Variants in KDM2B observed in about 807,000 individuals in gnomAD.
The protein encoded by KDM2B is lysine demethylase 2B.
Under a neutral mutation model 150.0 loss-of-function variants are expected in KDM2B, and 26 were observed. That is an observed-to-expected ratio of 0.17 (90% CI 0.13 to 0.24). The LOEUF is 0.24. Ranked by LOEUF, KDM2B falls within the 10% of genes least tolerant of loss-of-function variation. The pLI is 1.00. For synonymous variants in KDM2B, 734 were observed against 729.5 expected, an observed-to-expected ratio of 1.01 and a Z score of -0.10; for missense variants, 1,265 against 1,816.9, an observed-to-expected ratio of 0.70 and a Z score of 5.52.
chr12:121,516,592 ACCAACGTCAGTC>A, intron 9 of KDM2B: 1 of 1,288,728 alleles, frequency 7.8e-7, no homozygotes, highest in East Asian at 2.6e-5. Context: ...AATTGAGTTA[ACCAACGTCAGTC>A]CAAAACAAAA....
In KDM2B at chr12:121,442,632, G is replaced by A. The variant is rs1555288775; in HGVS notation, c.2809C>T (p.Arg937Trp). 1 of 1,603,724 alleles carries A rather than the reference G, an allele frequency of 6.2e-7. No individual in the cohort carries two copies. The highest frequency in any genetic ancestry group is 8.5e-7 in the Non-Finnish European group (1 of 1,178,860). ...PEEKKKVKMRRKRRLPNKELS... is the reference protein window; with the variant it reads ...PEEKKKVKMRWKRRLPNKELS... ...TCCTTGTTGGGAAGCCGCCGCTTCC[G>A]GCGCATCTTCACCTTCTTCTTCTCC... Residue 937 changes from arginine to tryptophan, a missense_variant, in exon 19 of 23, where the codon CGG (arginine) becomes TGG (tryptophan). Physicochemically the swap from Arg to Trp is moderately radical, Grantham distance 101. Coordinates refer to ENST00000377071, the MANE Select transcript of KDM2B (RefSeq NM_032590.5). This position sits in a 1 kb window ranked among gnomAD's most constrained non-coding sequence, Gnocchi z 7.7.
intron 4 of KDM2B, among the ~76,000 whole-genome samples, chr12:121,561,948 G>A (rs992321077): frequency 2.0e-5 from 3 of 152,180 alleles, no homozygotes; most frequent in Non-Finnish European, 4.4e-5. Context: ...GAGGTAGGCG[G>A]ATCACCTGAG....
At position 121,527,004 on chromosome 12, in the gene KDM2B, C is replaced by T. The variant is rs961124113; in HGVS notation, c.931+5802G>A. Among the ~76,000 whole-genome samples the T allele has an allele frequency of 4.6e-5, 7 of 152,196 alleles. No individual in the cohort carries two copies. The South Asian group carries it at 1.5e-3, about 32-fold the overall frequency. On this transcript the variant is annotated intron_variant, in intron 8 of 22. Coordinates refer to ENST00000377071, the MANE Select transcript of KDM2B (RefSeq NM_032590.5). ...CCGAGATCATGCCATTGCACTCCAGCCTTGGCAACAAGAGCAACGCTCTGT... is the reference window on the plus strand; with the variant it reads ...CCGAGATCATGCCATTGCACTCCAGTCTTGGCAACAAGAGCAACGCTCTGT...
intron 4 of KDM2B, among the ~76,000 whole-genome samples, chr12:121,557,429 G>A (rs1022165921): frequency 6.6e-6 from 1 of 151,722 alleles, no homozygotes; most frequent in Non-Finnish European, 1.5e-5. Context: ...TAGTAGAGAC[G>A]GGGTTTCACC....
chr12:121,500,663 C>A (rs1884453027), intron 11 of KDM2B, among the ~76,000 whole-genome samples: 1 of 152,226 alleles, frequency 6.6e-6, no homozygotes, highest in Non-Finnish European at 1.5e-5. Flanking sequence ...TCTGGGGAAC[C>A]AGCACCCTCC....
chr12:121,443,477 C>A, intron 17 of KDM2B: 1 of 600,866 alleles, frequency 1.7e-6, no homozygotes, highest in Non-Finnish European at 3.0e-6. Flanking sequence ...GGACTCACAG[C>A]TTCCATCCCA....
chr12:121,561,238 T>C (rs1555313790), intron 4 of KDM2B, among the ~76,000 whole-genome samples: 1 of 152,064 alleles, frequency 6.6e-6, no homozygotes, highest in Non-Finnish European at 1.5e-5. Flanking sequence ...ATGTGAAACA[T>C]ACACGGGCGC....
rs977495166 is a variant in KDM2B at position 121,475,182 on chromosome 12, C to G, written c.1734+19397G>C. Among the ~76,000 whole-genome samples, 7 of 139,766 alleles carry G rather than the reference C, an allele frequency of 5.0e-5. No individual in the cohort carries two copies. The South Asian group carries it at 1.7e-3, about 34-fold the overall frequency. The allele number at this position is 139,766 out of a possible 152,430, so 91.7% of individuals were successfully genotyped here. On this transcript the variant is annotated intron_variant, in intron 12 of 22. Coordinates refer to ENST00000377071, the MANE Select transcript of KDM2B (RefSeq NM_032590.5). ...CCCTGTCATTAAACTACACATGACT[C>G]TGTGTGTGTGTGTGTGTGTGTGTGT... is the stretch of plus-strand genomic sequence containing the variant.
At chr12:121,458,041 G>A (rs1292833666) in intron 12 of KDM2B, among the ~76,000 whole-genome samples, 2 of 152,078 alleles carry the variant, frequency 1.3e-5, no homozygotes, top group Admixed American at 6.6e-5. Flanking sequence ...TGTTAAGATC[G>A]GTTATACTCC....
intron 6 of KDM2B, among the ~76,000 whole-genome samples, chr12:121,547,273 C>T (rs945368620): frequency 9.2e-5 from 14 of 152,204 alleles, no homozygotes; most frequent in Admixed American, 1.3e-4. Flanking sequence ...CTCCCCACCT[C>T]GAGCCCAGTC....
Position 121,509,849 on chromosome 12 carries a change from C to T in KDM2B, c.1365G>A (p.Glu455=). Residue 455 remains glutamate, a synonymous_variant, in exon 11 of 23, where the codon GAG becomes GAA. Coordinates refer to ENST00000377071, the MANE Select transcript of KDM2B (RefSeq NM_032590.5). ...GTGCTTTGGGCTTCTTCCCGAGGGCCTCCTGGTCCTCAGAGGGCGTGCTGG... is the reference window on the plus strand; with the variant it reads ...GTGCTTTGGGCTTCTTCCCGAGGGCTTCCTGGTCCTCAGAGGGCGTGCTGG... ...SPTSTPSEDQ[E]ALGKKPKAPA... is the part of the protein sequence containing the mutation. 1 of 1,614,010 alleles carries T rather than the reference C, an allele frequency of 6.2e-7. No individual in the cohort carries two copies. Among genetic ancestry groups the T allele is most frequent in the Non-Finnish European group, 8.5e-7 (1 of 1,180,018 alleles).
At chr12:121,475,025 C>T (rs950161230) in intron 12 of KDM2B, among the ~76,000 whole-genome samples, 11 of 152,166 alleles carry the variant, frequency 7.2e-5, no homozygotes, top group African/African-American at 2.4e-4. Context: ...CAGTAGCATG[C>T]TGTACAAGTT....
chr12:121,491,580 G>T (rs1883356535), intron 12 of KDM2B, among the ~76,000 whole-genome samples: 1 of 151,714 alleles, frequency 6.6e-6, no homozygotes, highest in Non-Finnish European at 1.5e-5. Flanking sequence ...ATCACCTAAG[G>T]TCAGGAGTTC....
rs781995858 is a variant in KDM2B at position 121,521,529 on chromosome 12, G to A, written c.932-429C>T. ...CTCACCATCCCAGAGGGGTCACAAA[G>A]GATGGCTGGGAACCATGACGCAGGA... On this transcript the variant is annotated intron_variant, in intron 8 of 22. Coordinates refer to ENST00000377071, the MANE Select transcript of KDM2B (RefSeq NM_032590.5). This position sits in a 1 kb window ranked among gnomAD's most constrained non-coding sequence, Gnocchi z 4.9. Among the ~76,000 whole-genome samples, 41 of 152,196 alleles carry A rather than the reference G, an allele frequency of 2.7e-4. No individual in the cohort carries two copies. Among genetic ancestry groups the A allele is most frequent in the Non-Finnish European group, 5.1e-4 (35 of 68,026 alleles).
At chr12:121,530,962 G>C (rs1254491824) in intron 8 of KDM2B, among the ~76,000 whole-genome samples, 2 of 152,108 alleles carry the variant, frequency 1.3e-5, no homozygotes, top group African/African-American at 4.8e-5. Context: ...AGAGAGCTGA[G>C]GTGCAGAGAG....
At chr12:121,579,306 CG>C (rs1453012228) in intron 1 of KDM2B, among the ~76,000 whole-genome samples, 1 of 152,198 alleles carries the variant, frequency 6.6e-6, no homozygotes, top group Admixed American at 6.5e-5. Flanking sequence ...CACGGGCTGG[CG>C]GGGCAAATGT....
downstream of KDM2B, among the ~76,000 whole-genome samples, chr12:121,424,842 C>CTG (rs1256943077): frequency 6.6e-6 from 1 of 152,152 alleles, no homozygotes; most frequent in Non-Finnish European, 1.5e-5. Context: ...GCGCTAGGTG[C>CTG]TGTAGTTGCC....
chr12:121,548,678 C>T (rs1201613194), intron 6 of KDM2B, among the ~76,000 whole-genome samples, 199 bp downstream of exon 6: 1 of 152,234 alleles, frequency 6.6e-6, no homozygotes, highest in African/African-American at 2.4e-5. Flanking sequence ...AGAGCCCCTG[C>T]AGCCAACCTG....
At chr12:121,564,656 T>C (rs1890570867) in intron 4 of KDM2B, among the ~76,000 whole-genome samples, 1 of 152,100 alleles carries the variant, frequency 6.6e-6, no homozygotes, top group Non-Finnish European at 1.5e-5. Context: ...CAATATGCGA[T>C]GTTCACTGAA....
Sources: gnomAD v4.1 joint callset for allele counts (sites outside exome capture counted in the v4.1 genomes callset) on GRCh38, gnomAD v4.1.1 for gene constraint, Gnocchi (gnomAD v3.1) non-coding constraint, MANE v1.5 for transcripts, NCBI Gene and HGNC (gene_info 2026-07-23, HGNC 2026-07-21) for gene names.